The following ADCY8 variants were observed in gnomAD, a reference collection of about 807,000 sequenced individuals.
ADCY8 encodes the protein adenylate cyclase 8, also known as adenylate cyclase type 8.
Under a neutral mutation model 119.7 loss-of-function variants are expected in ADCY8, and 51 were observed. The observed-to-expected ratio is 0.43, with a 90% CI of 0.34 to 0.54. The LOEUF (loss-of-function observed/expected upper bound fraction) is 0.54. Among genes scored for constraint, ADCY8 ranks in the 20% least tolerant of loss-of-function variants. The pLI is 0.03. For missense variants in ADCY8, 1,383 were observed against 1,598.8 expected (o/e 0.87, Z 2.30); for synonymous variants, 665 against 651.0 (o/e 1.02, Z -0.33).
At position 131,040,123 on chromosome 8, in the gene ADCY8, G is replaced by C. The variant is rs571946527; in HGVS notation, c.211C>G (p.Pro71Ala). 109 of 1,525,562 alleles carry C rather than the reference G, an allele frequency of 7.1e-5. No individual in the cohort carries two copies. The African/African-American group carries it at 1.4e-3, about 20-fold the overall frequency. The allele number at this position is 1,525,562 out of a possible 1,614,324, so 94.5% of individuals were successfully genotyped here. The change falls in exon 1 of 18, where the codon CCT (proline) becomes GCT (alanine). Residue 71 changes from proline to alanine, a missense_variant. Physicochemically the swap from Pro to Ala is conservative, Grantham distance 27. Coordinates refer to ENST00000286355, the MANE Select transcript of ADCY8 (RefSeq NM_001115.3). ...TGGTGGTTGGGGCCGCCGCCCGCAG[G>C]GTCCGAGGCTTTGCCCGAGCCTCCA... ...GSGGSGKASD[P>A]AGGGPNHHAP...
intron 2 of ADCY8, among the ~76,000 whole-genome samples, chr8:130,984,374 G>C (rs1822333113): frequency 6.6e-6 from 1 of 152,186 alleles, no homozygotes; most frequent in Non-Finnish European, 1.5e-5. Flanking sequence ...GAAACCAATG[G>C]ATTCCTGCCT....
chr8:130,855,554 C>T (rs918536129), intron 9 of ADCY8, among the ~76,000 whole-genome samples: 4 of 152,054 alleles, frequency 2.6e-5, no homozygotes, highest in Non-Finnish European at 5.9e-5. Flanking sequence ...GGAACCAGGG[C>T]ATCAAGGCTT....
intron 1 of ADCY8, among the ~76,000 whole-genome samples, chr8:131,022,061 C>T (rs112263026): frequency 3.3e-5 from 5 of 152,162 alleles, no homozygotes; most frequent in East Asian, 1.9e-4. Flanking sequence ...GCTTGGTCTG[C>T]GTATTTTGAT....
At position 130,862,441 on chromosome 8, in the gene ADCY8, G is replaced by A. The variant is rs975907670; in HGVS notation, c.2210+5405C>T. Reference sequence around the variant, plus strand: ...TTGTTTTGTTTTGTTTTTTTAGACCGAGTCTCACTCTCCCAGGCTGAATTG... The same window carrying A: ...TTGTTTTGTTTTGTTTTTTTAGACCAAGTCTCACTCTCCCAGGCTGAATTG... On this transcript the variant is annotated intron_variant, in intron 9 of 17. Coordinates refer to ENST00000286355, the MANE Select transcript of ADCY8 (RefSeq NM_001115.3). Among the ~76,000 whole-genome samples, 8 of 151,768 alleles carry A rather than the reference G, an allele frequency of 5.3e-5. No individual in the cohort carries two copies. In the East Asian group the frequency reaches 7.8e-4, roughly 15 times the overall value.
intron 15 of ADCY8, among the ~76,000 whole-genome samples, chr8:130,794,308 G>A (rs1049682950): frequency 4.6e-5 from 7 of 152,120 alleles, no homozygotes; most frequent in Non-Finnish European, 2.9e-5. Context: ...GCAGTGGTGC[G>A]ATCTCGGCTC....
At chr8:130,823,601 G>A (rs775704285) in intron 12 of ADCY8, among the ~76,000 whole-genome samples, 5 of 152,128 alleles carry the variant, frequency 3.3e-5, no homozygotes, top group Non-Finnish European at 5.9e-5. Flanking sequence ...GTAGCATAAT[G>A]TAATTTTCAG....
chr8:131,010,298 T>C (rs972174490), intron 1 of ADCY8, among the ~76,000 whole-genome samples: 1 of 152,256 alleles, frequency 6.6e-6, no homozygotes, highest in Non-Finnish European at 1.5e-5. Context: ...GGGGAGATGC[T>C]GCTTCTAGGG....
At chr8:130,869,683 A>AT (rs1172576136) in intron 8 of ADCY8, among the ~76,000 whole-genome samples, 3 of 150,372 alleles carry the variant, frequency 2.0e-5, no homozygotes, top group African/African-American at 7.3e-5. Context: ...ACGCCTGGCT[A>AT]TTTTTTTGTA....
chr8:130,988,420 A>G (rs538284256), intron 2 of ADCY8, among the ~76,000 whole-genome samples: 2 of 152,366 alleles, frequency 1.3e-5, no homozygotes, highest in East Asian at 3.9e-4. Flanking sequence ...TCCACAAAAG[A>G]TAGCCTTTTC....
intron 15 of ADCY8, among the ~76,000 whole-genome samples, chr8:130,793,124 G>A (rs1318655240): frequency 6.6e-6 from 1 of 152,116 alleles, no homozygotes; most frequent in East Asian, 1.9e-4. Context: ...ACAAGAGAAA[G>A]CCTGCTGCAC....
intron 1 of ADCY8, among the ~76,000 whole-genome samples, chr8:131,021,047 T>C (rs546637115): frequency 2.0e-5 from 3 of 152,314 alleles, no homozygotes; most frequent in East Asian, 1.9e-4. Context: ...AAGTATAAGA[T>C]AGAAGAATTG....
intron 5 of ADCY8, among the ~76,000 whole-genome samples, chr8:130,924,870 C>T (rs930554077): frequency 6.6e-6 from 1 of 152,068 alleles, no homozygotes; most frequent in African/African-American, 2.4e-5. Flanking sequence ...TGAGCCAATA[C>T]ATGCAAGACA....
intron 4 of ADCY8, among the ~76,000 whole-genome samples, chr8:130,938,368 T>G (rs1226689486): frequency 6.6e-6 from 1 of 152,154 alleles, no homozygotes; most frequent in African/African-American, 2.4e-5. Flanking sequence ...CAGGCCTAGC[T>G]CCTTCACATA....
chr8:130,920,176 A>G (rs1444070360), intron 5 of ADCY8, among the ~76,000 whole-genome samples: 1 of 144,228 alleles, frequency 6.9e-6, no homozygotes, highest in Non-Finnish European at 1.5e-5. Context: ...AAAGATTCTT[A>G]GAAGTAGAAT....
At position 130,800,495 on chromosome 8, in the gene ADCY8, C is replaced by T. The variant is rs1198932850; in HGVS notation, c.2991G>A (p.Gln997=). 1.9e-6 allele frequency: 3 copies of T among 1,614,056 alleles called. No homozygotes were observed. Among genetic ancestry groups the T allele is most frequent in the Non-Finnish European group, 2.5e-6 (3 of 1,180,034 alleles). ...SIPGFADFYS[Q]TEMNNQGVEC... is the part of the protein sequence containing the mutation. ...CCACTCCCTGGTTATTCATTTCAGT[C>T]TGAGAGTAAAAGTCCGCAAATCCTG... Residue 997 remains glutamine (Q), a synonymous_variant, in exon 15 of 18, where the codon CAG becomes CAA. Coordinates refer to ENST00000286355, the MANE Select transcript of ADCY8 (RefSeq NM_001115.3).
intron 1 of ADCY8, among the ~76,000 whole-genome samples, chr8:131,032,954 A>T (rs762108954): frequency 1.1e-4 from 17 of 152,212 alleles, no homozygotes; most frequent in Non-Finnish European, 2.2e-4. Flanking sequence ...TGTATCACAG[A>T]AATTTTGCAA....
intron 9 of ADCY8, among the ~76,000 whole-genome samples, chr8:130,862,676 G>A (rs1256408193): frequency 6.6e-6 from 1 of 152,178 alleles, no homozygotes; most frequent in African/African-American, 2.4e-5. Flanking sequence ...GCCTCCCAAA[G>A]TGCTGGGATT....
At chr8:130,957,944 G>C (rs577449833) in intron 2 of ADCY8, among the ~76,000 whole-genome samples, 3 of 152,236 alleles carry the variant, frequency 2.0e-5, no homozygotes, top group Non-Finnish European at 2.9e-5. Flanking sequence ...GACATTCATG[G>C]AGAACCTCTG....
rs759764188 is a variant in ADCY8, at chr8:131,039,513, A to T, written c.821T>A (p.Val274Glu). 3 of 1,613,976 alleles carry T rather than the reference A, an allele frequency of 1.9e-6. No homozygotes were observed. The South Asian group carries it at 3.3e-5, about 18-fold the overall frequency. Residue 274 changes from valine (V) to glutamate (E), a missense_variant, in exon 1 of 18, where the codon GTG becomes GAG. By Grantham distance (121) the Val-to-Glu change is moderately radical. Coordinates refer to ENST00000286355, the MANE Select transcript of ADCY8 (RefSeq NM_001115.3). The stretch of plus-strand genomic sequence containing the variant: ...GTAGGTGGCGAAGAGCGTGAAGAGC[A>T]CGTAGCCTATGCCGTCGCCCAGGAG... ...YGLLGDGIGYVLFTLFATYSM... is the reference protein window; with the variant it reads ...YGLLGDGIGYELFTLFATYSM...
Sources: gnomAD v4.1 joint callset for allele counts (sites outside exome capture counted in the v4.1 genomes callset) on GRCh38, gnomAD v4.1.1 for gene constraint, MANE v1.5 for transcripts, NCBI Gene and HGNC (gene_info 2026-07-23, HGNC 2026-07-21) for gene names.